PRKN: variants seen among roughly 807,000 people sequenced by gnomAD.
PRKN encodes parkin RBR E3 ubiquitin protein ligase, also known as E3 ubiquitin-protein ligase parkin.
A neutral mutation model predicts 59.5 loss-of-function variants in PRKN; 56 were observed. The observed-to-expected ratio is 0.94, with a 90% CI of 0.76 to 1.18. PRKN has a LOEUF of 1.18. Ranked by LOEUF, PRKN falls within the 50% of genes most tolerant of loss-of-function variation. The pLI is 0.00. For missense variants in PRKN, 657 were observed against 596.4 expected, an observed-to-expected ratio of 1.10 and a Z score of -1.06; for synonymous variants, 250 against 222.1, an observed-to-expected ratio of 1.13 and a Z score of -1.12.
At chr6:161,618,743 C>T (rs1381456834) in intron 7 of PRKN, among the ~76,000 whole-genome samples, 3 of 152,200 alleles carry the variant, frequency 2.0e-5, no homozygotes, top group Non-Finnish European at 4.4e-5. Flanking sequence ...TCTTTCACAA[C>T]ATTACTTTTA....
At chr6:162,718,618 C>A (rs1778814229) in intron 1 of PRKN, among the ~76,000 whole-genome samples, 1 of 151,876 alleles carries the variant, frequency 6.6e-6, no homozygotes, top group African/African-American at 2.4e-5. Context: ...GAGGCTGAGG[C>A]AGGAGAATGG....
At chr6:162,535,874 C>A (rs1177885419) in intron 1 of PRKN, among the ~76,000 whole-genome samples, 1 of 150,500 alleles carries the variant, frequency 6.6e-6, no homozygotes, top group African/African-American at 2.4e-5. Context: ...CACCACTGCA[C>A]TCCAACCTGG....
At chr6:162,460,104 G>A (rs12207728) in intron 1 of PRKN, among the ~76,000 whole-genome samples, 31,434 of 152,154 alleles carry the variant, frequency 0.21, 3,825 homozygotes, top group Non-Finnish European at 0.26. Context: ...GCCAAAAGGT[G>A]GAAACCACCC....
intron 7 of PRKN, among the ~76,000 whole-genome samples, chr6:161,695,700 C>T (rs7744136): frequency 3.3e-5 from 5 of 152,070 alleles, no homozygotes; most frequent in African/African-American, 9.7e-5. Flanking sequence ...TCCATAGAAG[C>T]GGCTGCTAGA....
rs1780489201 is a variant in PRKN at position 161,562,375 on chromosome 6, TC to T, written c.933+6979del. 1.3e-5 allele frequency among the ~76,000 whole-genome samples: 2 copies of T among 152,246 alleles called. No individual in the cohort carries two copies. Among genetic ancestry groups the T allele is most frequent in the African/African-American group, 4.8e-5 (2 of 41,468 alleles). ...GATTGTCTTCTACTTTCCTTGAGGT[TC>T]CTTCTTGGTCTCCTTTGTTGGTTGC... On this transcript the variant is annotated intron_variant, in intron 8 of 11. Transcript: ENST00000366898. This position sits in a 1 kb window ranked among gnomAD's most constrained non-coding sequence, Gnocchi z 4.3.
At chr6:162,690,948 G>A (rs1385047629) in intron 1 of PRKN, among the ~76,000 whole-genome samples, 6 of 152,078 alleles carry the variant, frequency 3.9e-5, no homozygotes, top group Admixed American at 3.9e-4. Flanking sequence ...TGAATGTTAT[G>A]CCTTCATGCT....
chr6:161,901,224 C>G (rs1777905145), intron 6 of PRKN, among the ~76,000 whole-genome samples: 1 of 152,060 alleles, frequency 6.6e-6, no homozygotes, highest in Non-Finnish European at 1.5e-5. Context: ...GTGTGAGCCA[C>G]CGCGTCCAGC....
chr6:162,166,800 C>A (rs1040576181), intron 4 of PRKN, among the ~76,000 whole-genome samples: 1 of 152,128 alleles, frequency 6.6e-6, no homozygotes, highest in Non-Finnish European at 1.5e-5. Context: ...GCTTCCCATT[C>A]TCTGGAAGCA....
intron 1 of PRKN, among the ~76,000 whole-genome samples, chr6:162,618,142 G>A (rs1210240298): frequency 1.3e-5 from 2 of 152,052 alleles, no homozygotes; most frequent in Non-Finnish European, 2.9e-5. Flanking sequence ...CTTTCTGTCT[G>A]AAACTGAAGT....
At chr6:161,655,465 G>C (rs117170258) in intron 7 of PRKN, among the ~76,000 whole-genome samples, 15,543 of 151,774 alleles carry the variant, frequency 0.1, 849 homozygotes, top group South Asian at 0.15. Flanking sequence ...TCACCACCAA[G>C]GTGCACTGTC....
chr6:162,356,944 T>C (rs930052167), intron 2 of PRKN, among the ~76,000 whole-genome samples: 4 of 151,968 alleles, frequency 2.6e-5, no homozygotes, highest in Admixed American at 6.6e-5. Flanking sequence ...AATAAATCAT[T>C]ACAGTTTACA....
intron 1 of PRKN, among the ~76,000 whole-genome samples, chr6:162,670,905 G>A (rs1779293569): frequency 6.6e-6 from 1 of 152,038 alleles, no homozygotes; most frequent in South Asian, 2.1e-4. Context: ...TAATCCATAA[G>A]CAAACTACGA....
chr6:162,004,833 G>T (rs757143601), intron 5 of PRKN, among the ~76,000 whole-genome samples: 1 of 152,186 alleles, frequency 6.6e-6, no homozygotes, highest in Admixed American at 6.5e-5. Context: ...ATATGATTAC[G>T]AATGGAAAGA....
intron 1 of PRKN, chr6:162,568,756 G>A (rs1780191589): frequency 4.0e-6 from 3 of 746,702 alleles, no homozygotes; most frequent in Non-Finnish European, 4.9e-6. Context: ...AACCCTAGGG[G>A]GCAGCCGGAC....
chr6:162,082,922 A>C (rs1165941034), intron 4 of PRKN, among the ~76,000 whole-genome samples: 1 of 152,104 alleles, frequency 6.6e-6, no homozygotes, highest in Admixed American at 6.5e-5. Flanking sequence ...TGTAACACTA[A>C]AGATCACTGA....
chr6:162,064,794 T>C (rs1400317567), intron 4 of PRKN, among the ~76,000 whole-genome samples: 1 of 152,240 alleles, frequency 6.6e-6, no homozygotes, highest in Non-Finnish European at 1.5e-5. Flanking sequence ...TTGTCTATAG[T>C]AACCAAATAC....
intron 9 of PRKN, among the ~76,000 whole-genome samples, chr6:161,493,058 C>T (rs528165865): frequency 6.6e-6 from 1 of 152,158 alleles, no homozygotes; most frequent in Admixed American, 6.5e-5. Context: ...TTAAATGCCA[C>T]CAAAGATAAA....
intron 2 of PRKN, among the ~76,000 whole-genome samples, chr6:162,293,148 C>T (rs118114822): frequency 0.018 from 2,772 of 152,190 alleles, 48 homozygotes; most frequent in Non-Finnish European, 0.025. Flanking sequence ...AAATTGATTC[C>T]ACAACATCCC....
intron 3 of PRKN, among the ~76,000 whole-genome samples, chr6:162,226,084 A>G (rs1372469942): frequency 8.7e-6 from 1 of 114,348 alleles, no homozygotes; most frequent in Non-Finnish European, 1.7e-5. Flanking sequence ...AATAATAATA[A>G]TAATAATAAT....
Sources: gnomAD v4.1 joint callset for allele counts (sites outside exome capture counted in the v4.1 genomes callset) on GRCh38, gnomAD v4.1.1 for gene constraint, Gnocchi (gnomAD v3.1) non-coding constraint, MANE v1.5 for transcripts, NCBI Gene and HGNC (gene_info 2026-07-23, HGNC 2026-07-21) for gene names.